CPEB3: variants seen among roughly 807,000 people sequenced by gnomAD.
CPEB3 encodes cytoplasmic polyadenylation element binding protein 3.
In CPEB3, 20 loss-of-function variants were observed where a neutral mutation model predicts 67.2. That is an observed-to-expected ratio of 0.30 (90% CI 0.21 to 0.43). The LOEUF is 0.43. CPEB3 is among the 20% of genes least tolerant of loss of function. The pLI, the probability that CPEB3 is intolerant of heterozygous loss-of-function variation, is 1.00. For synonymous variants in CPEB3, 376 were observed against 393.1 expected (o/e 0.96, Z 0.51); for missense variants, 746 against 968.6 (o/e 0.77, Z 3.05).
intron 3 of CPEB3, among the ~76,000 whole-genome samples, chr10:92,190,978 T>C (rs956094175): frequency 2.2e-4 from 33 of 152,220 alleles, no homozygotes; most frequent in African/African-American, 7.5e-4. Context: ...AAAGATCTGA[T>C]AGAAGCATGG....
At chr10:92,066,815 C>T (rs1309059270) in intron 9 of CPEB3, among the ~76,000 whole-genome samples, 2 of 152,052 alleles carry the variant, frequency 1.3e-5, no homozygotes, top group Admixed American at 6.6e-5. Flanking sequence ...GAGGCCGAAG[C>T]GGGCGGATCA....
intron 2 of CPEB3, among the ~76,000 whole-genome samples, chr10:92,229,878 C>T (rs1024292835): frequency 6.6e-6 from 1 of 152,184 alleles, no homozygotes; most frequent in Middle Eastern, 3.2e-3. Flanking sequence ...AACCCCATCT[C>T]TACTAAAATA....
intron 9 of CPEB3, among the ~76,000 whole-genome samples, chr10:92,055,723 T>C (rs1046580482): frequency 7.1e-6 from 1 of 141,766 alleles, no homozygotes; most frequent in African/African-American, 2.6e-5. Flanking sequence ...TAAATGCCAA[T>C]AGATATGACT....
intron 9 of CPEB3, among the ~76,000 whole-genome samples, chr10:92,061,941 C>T (rs1400148742): frequency 6.6e-6 from 1 of 151,980 alleles, no homozygotes; most frequent in African/African-American, 2.4e-5. Context: ...CTATCTACAC[C>T]CACTATGTAT....
intron 2 of CPEB3, among the ~76,000 whole-genome samples, chr10:92,218,751 G>C (rs1271819858): frequency 2.0e-5 from 3 of 151,884 alleles, no homozygotes; most frequent in African/African-American, 7.3e-5. Context: ...TCTATAGCAT[G>C]AAGAGATGCT....
intron 6 of CPEB3, among the ~76,000 whole-genome samples, chr10:92,112,860 A>G (rs1226892009): frequency 1.3e-5 from 2 of 152,252 alleles, no homozygotes; most frequent in African/African-American, 4.8e-5. Flanking sequence ...AGAGAAGGAT[A>G]AGAATCCCCA....
chr10:92,171,966 AC>A (rs1452428769), intron 4 of CPEB3, among the ~76,000 whole-genome samples: 2 of 152,064 alleles, frequency 1.3e-5, no homozygotes, highest in Non-Finnish European at 2.9e-5. Context: ...ACACAACCTT[AC>A]CATTTGTAAA....
chr10:92,182,018 G>T (rs1370537840), intron 3 of CPEB3, among the ~76,000 whole-genome samples: 1 of 151,942 alleles, frequency 6.6e-6, no homozygotes, highest in Non-Finnish European at 1.5e-5. Context: ...AATGTACTTA[G>T]AAAGCTTTCT....
intron 2 of CPEB3, among the ~76,000 whole-genome samples, chr10:92,203,494 A>G (rs768588771): frequency 3.0e-4 from 43 of 144,188 alleles, no homozygotes; most frequent in Non-Finnish European, 5.2e-4. Context: ...GTATATGTGT[A>G]TATATATGTG....
chr10:92,230,391 A>G (rs1004751021), intron 2 of CPEB3, among the ~76,000 whole-genome samples: 16 of 152,322 alleles, frequency 1.1e-4, no homozygotes, highest in Admixed American at 3.9e-4. Flanking sequence ...TAATTCTATG[A>G]TCACTTCAAA....
chr10:92,105,175 C>T (rs534771927), intron 7 of CPEB3, among the ~76,000 whole-genome samples: 4 of 152,116 alleles, frequency 2.6e-5, no homozygotes, highest in African/African-American at 7.2e-5. Context: ...ATGGCTTAGC[C>T]GTGAATTCTA....
intron 1 of CPEB3, among the ~76,000 whole-genome samples, chr10:92,247,668 A>T (rs1192580353): frequency 6.6e-6 from 1 of 152,032 alleles, no homozygotes; most frequent in Non-Finnish European, 1.5e-5. Context: ...AAGTTCTGGG[A>T]TTACAGGCTA....
At chr10:92,201,959 G>A (rs1849545861) in intron 2 of CPEB3, among the ~76,000 whole-genome samples, 2 of 152,084 alleles carry the variant, frequency 1.3e-5, no homozygotes, top group African/African-American at 4.8e-5. Flanking sequence ...ATCGAGCAGA[G>A]GGCCTGGCAT....
chr10:92,235,307 G>T (rs1001492936), intron 2 of CPEB3, among the ~76,000 whole-genome samples: 1 of 152,070 alleles, frequency 6.6e-6, no homozygotes, highest in African/African-American at 2.4e-5. Context: ...TTAGCCAGGT[G>T]TGGTGGCGGG....
At chr10:92,156,631 T>A (rs1330291977) in intron 4 of CPEB3, among the ~76,000 whole-genome samples, 1 of 152,224 alleles carries the variant, frequency 6.6e-6, no homozygotes, top group Non-Finnish European at 1.5e-5. Flanking sequence ...ACAGTGATCA[T>A]TTTTCTAGCA....
chr10:92,203,513 T>C lies in CPEB3; in HGVS notation c.1006-10877A>G, dbSNP rs982558964. Among the ~76,000 whole-genome samples, 3 of 109,944 alleles carry C rather than the reference T, an allele frequency of 2.7e-5. No homozygotes were observed. The East Asian group carries it at 6.2e-4, about 23-fold the overall frequency. 72.1% of individuals were successfully genotyped at this position (109,944 alleles called of 152,430 possible). A position where few individuals can be genotyped will look rare whatever the true frequency, so the allele number is the denominator to read the frequency against. On this transcript the variant is annotated intron_variant, in intron 2 of 9. Transcript: ENST00000265997. Reference sequence around the variant, plus strand: ...ATGTGTATATATATGTGTGTGTATATATATATATATATATATTTTTTTTTT... The same window carrying C: ...ATGTGTATATATATGTGTGTGTATACATATATATATATATATTTTTTTTTT...
chr10:92,081,170 C>T (rs1843137530), intron 9 of CPEB3, 150 bp downstream of exon 9: 1 of 808,270 alleles, frequency 1.2e-6, no homozygotes, highest in South Asian at 1.6e-5. Flanking sequence ...ACAGTGCTCT[C>T]TTTTTCAGGC....
In CPEB3 at chr10:92,052,457, A is replaced by G; in HGVS notation, c.1870-18T>C. 1.3e-6 allele frequency: 2 copies of G among 1,593,892 alleles called. No individual in the cohort carries two copies. ...ACTTCAACCTGGACCCAAAGAGGAA[A>G]GACAGAGAAAAATGATTTAGCAAAG... is the stretch of plus-strand genomic sequence containing the variant. On this transcript the variant is annotated intron_variant, in intron 9 of 9. Coordinates refer to ENST00000265997, the MANE Select transcript of CPEB3 (RefSeq NM_014912.5).
chr10:92,159,774 A>G (rs1055318952), intron 4 of CPEB3, among the ~76,000 whole-genome samples: 2 of 152,150 alleles, frequency 1.3e-5, no homozygotes, highest in African/African-American at 4.8e-5. Flanking sequence ...CCACTAGGCC[A>G]ATCTCATTTT....
Sources: allele counts gnomAD v4.1 joint callset (sites outside exome capture counted in the v4.1 genomes callset), GRCh38; gene constraint gnomAD v4.1.1; transcripts MANE v1.5; gene names NCBI Gene and HGNC (gene_info 2026-07-23, HGNC 2026-07-21).